The following SEC24B variants were observed in gnomAD, a reference collection of about 807,000 sequenced individuals.
SEC24B encodes SEC24 homolog B, COPII component.
Under a neutral mutation model 142.8 loss-of-function variants are expected in SEC24B, and 45 were observed. The ratio of observed to expected loss-of-function variants is 0.32; its 90% CI spans 0.25 to 0.40. The LOEUF (loss-of-function observed/expected upper bound fraction) is 0.40, where lower values mean the gene tolerates loss of function less well. Among genes scored for constraint, SEC24B ranks in the 10% least tolerant of loss-of-function variants. The pLI, the probability that SEC24B is intolerant of heterozygous loss-of-function variation, is 1.00. For synonymous variants in SEC24B, 574 were observed against 568.2 expected (o/e 1.01, Z -0.15); for missense variants, 1,409 against 1,526.8 (o/e 0.92, Z 1.29).
At chr4:109,476,974 A>G (rs930027039) in intron 3 of SEC24B, among the ~76,000 whole-genome samples, 2 of 151,398 alleles carry the variant, frequency 1.3e-5, no homozygotes, top group Admixed American at 6.6e-5. Flanking sequence ...CGTCTCTACT[A>G]AAAATACAAA....
intron 1 of SEC24B, among the ~76,000 whole-genome samples, chr4:109,462,363 T>C (rs1490642128): frequency 6.6e-6 from 1 of 152,208 alleles, no homozygotes; most frequent in African/African-American, 2.4e-5. Context: ...GCTAGGTGGT[T>C]CTGGCTCAGG....
chr4:109,496,223 C>T (rs1735529538), intron 6 of SEC24B, among the ~76,000 whole-genome samples: 1 of 152,034 alleles, frequency 6.6e-6, no homozygotes, highest in Non-Finnish European at 1.5e-5. Flanking sequence ...AGCGATTCTC[C>T]TGCCTCAGCC....
chr4:109,482,936 C>A (rs776763569), intron 4 of SEC24B, among the ~76,000 whole-genome samples: 2,106 of 34,400 alleles, frequency 0.061, 157 homozygotes, highest in Middle Eastern at 0.21. Flanking sequence ...CAGGCTTGTA[C>A]TATATATATA....
At chr4:109,516,286 A>G (rs772428028) in intron 10 of SEC24B, among the ~76,000 whole-genome samples, 3 of 152,230 alleles carry the variant, frequency 2.0e-5, no homozygotes, top group Non-Finnish European at 2.9e-5. Context: ...TCAGAAAAAC[A>G]TTTAACCCAT....
chr4:109,536,350 T>C (rs1218422535), intron 22 of SEC24B, among the ~76,000 whole-genome samples: 3 of 152,172 alleles, frequency 2.0e-5, no homozygotes, highest in Non-Finnish European at 4.4e-5. Context: ...TTCAAATTAC[T>C]GTGGGGAAAT....
intron 4 of SEC24B, among the ~76,000 whole-genome samples, chr4:109,483,058 A>ATATATATATGTATTTATTTATGTATT (rs1554001240): frequency 5.8e-5 from 8 of 137,280 alleles, no homozygotes; most frequent in African/African-American, 1.4e-4. Context: ...TTATGTATTT[A>ATATATATATGTATTTATTTATGTATT]TATATATATA....
intron 17 of SEC24B, among the ~76,000 whole-genome samples, chr4:109,526,945 G>A (rs1393162354): frequency 6.6e-6 from 1 of 152,122 alleles, no homozygotes; most frequent in Non-Finnish European, 1.5e-5. Flanking sequence ...GCTGGATGTG[G>A]CGGTGGCTCA....
At chr4:109,442,887 A>G (rs540827171) in intron 1 of SEC24B, among the ~76,000 whole-genome samples, 2 of 152,182 alleles carry the variant, frequency 1.3e-5, no homozygotes, top group Non-Finnish European at 2.9e-5. Context: ...AATTTTGCAC[A>G]TTTTTACTAG....
In SEC24B at chr4:109,520,976, G is replaced by A. The variant is rs139631126; in HGVS notation, c.2246-141G>A. The A allele has an allele frequency of 1.0e-3, 590 of 563,816 alleles. 2 individuals are homozygous for A. The highest frequency in any genetic ancestry group is 0.01 in the African/African-American group (538 of 51,694). The allele number at this position is 563,816 out of a possible 1,614,324, so 34.9% of individuals were successfully genotyped here. On this transcript the variant is annotated intron_variant, in intron 12 of 23. Coordinates refer to ENST00000265175, the MANE Select transcript of SEC24B (RefSeq NM_006323.5). ...CATTGCACTCCAGCCTGGGCAACAA[G>A]AGCAAAACTCCATCTCAAAAAAATA... is the stretch of plus-strand genomic sequence containing the variant.
intron 2 of SEC24B, among the ~76,000 whole-genome samples, chr4:109,468,226 G>A (rs1732161075): frequency 6.6e-6 from 1 of 152,174 alleles, no homozygotes; most frequent in Non-Finnish European, 1.5e-5. Flanking sequence ...GTAGAGTTAT[G>A]GGAATAGCGT....
intron 1 of SEC24B, among the ~76,000 whole-genome samples, chr4:109,444,301 C>T (rs888224814): frequency 8.6e-5 from 13 of 151,130 alleles, no homozygotes; most frequent in East Asian, 3.9e-4. Context: ...GAAGTTTAGA[C>T]TTCATTTGGA....
intron 6 of SEC24B, among the ~76,000 whole-genome samples, chr4:109,504,471 C>T (rs1260099950): frequency 2.0e-5 from 3 of 151,790 alleles, no homozygotes; most frequent in African/African-American, 4.8e-5. Context: ...GTAGAATGTC[C>T]CTCATTCTGA....
At chr4:109,492,524 C>T (rs1735122333) in intron 5 of SEC24B, among the ~76,000 whole-genome samples, 2 of 152,188 alleles carry the variant, frequency 1.3e-5, no homozygotes, top group South Asian at 4.1e-4. Context: ...TGTATTCATT[C>T]AGTCAACGAA....
intron 1 of SEC24B, among the ~76,000 whole-genome samples, chr4:109,442,137 T>A (rs1000494786): frequency 1.3e-5 from 2 of 152,194 alleles, no homozygotes; most frequent in African/African-American, 4.8e-5. Context: ...TTTGGCATTG[T>A]TAGTGATACC....
intron 4 of SEC24B, among the ~76,000 whole-genome samples, chr4:109,487,150 A>G (rs1016909557): frequency 1.4e-5 from 2 of 143,868 alleles, no homozygotes; most frequent in Non-Finnish European, 3.0e-5. Context: ...GAGTGACAAG[A>G]GTGAGACTCT....
intron 5 of SEC24B, 68 bp from the exon 6 acceptor site, chr4:109,494,547 G>C (rs1192271734): frequency 2.5e-6 from 4 of 1,597,660 alleles, no homozygotes; most frequent in Non-Finnish European, 3.4e-6. Context: ...TTATGGACTG[G>C]ATCAGGAGTC....
chr4:109,462,967 C>A lies in SEC24B; in HGVS notation c.200C>A (p.Pro67His). The change falls in exon 2 of 24, where the codon CCC becomes CAC. Residue 67 changes from proline to histidine, a missense_variant. By Grantham distance (77) the Pro-to-His change is moderately conservative. Around this residue, in one of 2 missense-constraint regions of SEC24B, gnomAD observed 709 missense variants for 673.5 expected, o/e 1.05. Coordinates refer to ENST00000265175, the MANE Select transcript of SEC24B (RefSeq NM_006323.5). The stretch of plus-strand genomic sequence containing the variant: ...TTGCATCATCAAAACTATATTGCTC[C>A]CTCAGGACATTACTCTCAAGGACCT... ...YGLHHQNYIA[P>H]SGHYSQGPGK... 1 of 1,613,768 alleles carries A rather than the reference C, an allele frequency of 6.2e-7. No individual in the cohort carries two copies. Among genetic ancestry groups the A allele is most frequent in the Non-Finnish European group, 8.5e-7 (1 of 1,180,010 alleles).
At position 109,521,636 on chromosome 4, in the gene SEC24B, G is replaced by T. The variant is rs761309436; in HGVS notation, c.2508+10G>T. 3 of 1,583,162 alleles carry T rather than the reference G, an allele frequency of 1.9e-6. No homozygotes were observed. The East Asian group carries it at 6.8e-5, about 36-fold the overall frequency. On this transcript the variant is annotated intron_variant, in intron 14 of 23. Transcript: ENST00000265175. ...GAGATCAAGTACAAAGGTATTTTAT[G>T]TTTAGTTTTTTGTCATATTCAAGAT...
chr4:109,516,436 A>T, intron 10 of SEC24B, 92 bp from the exon 11 acceptor site: 3 of 684,610 alleles, frequency 4.4e-6, no homozygotes, highest in African/African-American at 1.8e-5. Context: ...TTTTGTGTTA[A>T]TATATTCAGT....
Sources: gnomAD v4.1 joint callset for allele counts (sites outside exome capture counted in the v4.1 genomes callset) on GRCh38, gnomAD v4.1.1 for gene constraint, gnomAD v4.1.1 regional missense constraint, MANE v1.5 for transcripts, NCBI Gene and HGNC (gene_info 2026-07-23, HGNC 2026-07-21) for gene names.